Variants in PPIL2 observed in about 807,000 individuals in gnomAD.
The protein encoded by PPIL2 is RING-type E3 ubiquitin-protein ligase PPIL2.
A neutral mutation model predicts 75.2 loss-of-function variants in PPIL2; 50 were observed. The observed-to-expected ratio is 0.66, with a 90% CI of 0.53 to 0.84. The LOEUF (loss-of-function observed/expected upper bound fraction) is 0.84, where lower values mean the gene tolerates loss of function less well. Among genes scored for constraint, PPIL2 ranks in the 40% least tolerant of loss-of-function variants. PPIL2 has a pLI of 0.00. For synonymous variants in PPIL2, 245 were observed against 258.8 expected (o/e 0.95, Z 0.51); for missense variants, 590 against 685.0 (o/e 0.86, Z 1.55).
intron 6 of PPIL2, among the ~76,000 whole-genome samples, chr22:21,675,381 C>G (rs534252275): frequency 6.6e-6 from 1 of 152,012 alleles, no homozygotes; most frequent in South Asian, 2.1e-4. Context: ...ACTAAAAATA[C>G]AAAAATTAGC....
At position 21,688,850 on chromosome 22, in the gene PPIL2, G is replaced by T. The variant is rs1200544147; in HGVS notation, c.1139+1G>T. On this transcript the variant is annotated splice_donor_variant, in intron 15 of 19. Transcript: ENST00000398831. LOFTEE classifies it high-confidence loss of function. ...GGCCCAACAGCAACAGGTCTCAATT[G>T]TGAGTCAGCTGGGCTTGCTGGGGTG... The T allele has an allele frequency of 6.2e-7, 1 of 1,613,752 alleles. No individual in the cohort carries two copies. Among genetic ancestry groups the T allele is most frequent in the East Asian group, 2.2e-5 (1 of 44,882 alleles).
intron 6 of PPIL2, among the ~76,000 whole-genome samples, chr22:21,677,405 A>C (rs529660177): frequency 5.3e-4 from 81 of 152,356 alleles, no homozygotes; most frequent in Admixed American, 1.4e-3. Flanking sequence ...AGCCTGGGCA[A>C]CATTGAGCAC....
At chr22:21,693,756 T>C in intron 15 of PPIL2, 60 bp from the exon 16 acceptor site, 1 of 1,492,954 alleles carries the variant, frequency 6.7e-7, no homozygotes, top group Non-Finnish European at 9.3e-7. Flanking sequence ...GGTGTGCTCT[T>C]AGGCAGGCCA....
intron 5 of PPIL2, among the ~76,000 whole-genome samples, chr22:21,674,284 T>G (rs944679630): frequency 2.0e-5 from 3 of 152,130 alleles, no homozygotes; most frequent in Non-Finnish European, 4.4e-5. Flanking sequence ...AGACTTTGTT[T>G]TATGGGAAAG....
At chr22:21,687,053 G>C in intron 12 of PPIL2, 55 bp downstream of exon 12, 2 of 1,493,546 alleles carry the variant, frequency 1.3e-6, no homozygotes. Flanking sequence ...TGGGTCATCT[G>C]ACAGCCATGT....
At chr22:21,694,312 C>T (rs1051710092) in intron 16 of PPIL2, among the ~76,000 whole-genome samples, 1 of 151,868 alleles carries the variant, frequency 6.6e-6, no homozygotes, top group Non-Finnish European at 1.5e-5. Context: ...ACCAAACCAG[C>T]GGGGAGAGCA....
chr22:21,677,124 C>A (rs2066902608), intron 6 of PPIL2, among the ~76,000 whole-genome samples: 1 of 152,016 alleles, frequency 6.6e-6, no homozygotes, highest in Non-Finnish European at 1.5e-5. Context: ...GGGCTCCTCG[C>A]TTCTCAGACG....
chr22:21,675,897 A>G (rs1006343861), intron 6 of PPIL2, among the ~76,000 whole-genome samples: 1 of 152,080 alleles, frequency 6.6e-6, no homozygotes, highest in African/African-American at 2.4e-5. Context: ...CCCATTACAC[A>G]CCTTCCGCTG....
chr22:21,669,499 TTTTG>T (rs926537998), intron 1 of PPIL2: 25 of 358,550 alleles, frequency 7.0e-5, no homozygotes, highest in African/African-American at 3.4e-4. Flanking sequence ...GTAGGTGTTT[TTTTG>T]TTTGTTTGTT....
At chr22:21,674,037 C>T (rs553526647) in intron 5 of PPIL2, among the ~76,000 whole-genome samples, 4 of 152,296 alleles carry the variant, frequency 2.6e-5, no homozygotes, top group South Asian at 4.1e-4. Flanking sequence ...GCAGGGCCCA[C>T]GGAGGGCGGG....
chr22:21,697,788 T>G lies in PPIL2; in HGVS notation c.*2298T>G, dbSNP rs2067996609. On this transcript the variant is annotated 3_prime_UTR_variant, in exon 20 of 20. Coordinates refer to ENST00000398831, the MANE Select transcript of PPIL2 (RefSeq NM_014337.4). ...ACCAAGGACCTTTGGCAAATGAAGG[T>G]TTACATTTCTGTAGTTTGTTTGTTT... 6.6e-6 allele frequency: 1 copy of G among 152,346 alleles called. No individual in the cohort carries two copies. Among genetic ancestry groups the G allele is most frequent in the African/African-American group, 2.4e-5 (1 of 41,444 alleles). 9.4% of individuals were successfully genotyped at this position (152,346 alleles called of 1,614,324 possible).
rs2066612691 is a variant in PPIL2, at chr22:21,671,048, C to A, written c.180C>A (p.Val60=). The A allele has an allele frequency of 1.2e-6, 2 of 1,611,194 alleles. No homozygotes were observed. Among genetic ancestry groups the A allele is most frequent in the East Asian group, 4.5e-5 (2 of 44,866 alleles). The change falls in exon 4 of 20, where the codon GTC becomes GTA. Residue 60 remains valine, a synonymous_variant. Coordinates refer to ENST00000398831, the MANE Select transcript of PPIL2 (RefSeq NM_014337.4). ...VYPVCTPDGI[V]FDLLNIVPWL... Reference sequence around the variant, plus strand: ...CAGTCTGCACTCCCGATGGCATCGTCTTTGACTTACTGTGAGTTTTTCCTT... The same window carrying A: ...CAGTCTGCACTCCCGATGGCATCGTATTTGACTTACTGTGAGTTTTTCCTT...
rs761350212 is a variant in PPIL2 at position 21,686,997 on chromosome 22, T to C, written c.896T>C (p.Leu299Pro). The change falls in exon 12 of 20, where the codon CTG becomes CCG. Residue 299 changes from leucine to proline, a missense_variant and splice_region_variant. Leu to Pro is a moderately conservative substitution (Grantham distance 98, BLOSUM62 -3). Coordinates refer to ENST00000398831, the MANE Select transcript of PPIL2 (RefSeq NM_014337.4). ...GDLNLELHCD[L>P]TPKTCENFIR... ...CTCAACCTGGAGCTGCACTGCGACC[T>C]GGTGGGTGTGGAGGCCAGCCACTCC... 5 of 1,613,092 alleles carry C rather than the reference T, an allele frequency of 3.1e-6. No individual in the cohort carries two copies. The highest frequency in any genetic ancestry group is 2.7e-5 in the African/African-American group (2 of 74,864).
chr22:21,684,780 CTTA>C lies in PPIL2; in HGVS notation c.586_588del (p.Tyr196del). 6.2e-7 allele frequency: 1 copy of C among 1,614,102 alleles called. No individual in the cohort carries two copies. Among genetic ancestry groups the C allele is most frequent in the Non-Finnish European group, 8.5e-7 (1 of 1,180,012 alleles). Reference sequence around the variant, plus strand: ...GAAGAGAAGGCCAAACAGGACCCGTCTTATTATCTGAAAAATACAAATGCCGAG... The same window carrying C: ...GAAGAGAAGGCCAAACAGGACCCGTCTTATCTGAAAAATACAAATGCCGAG... On this transcript the variant is annotated inframe_deletion, in exon 10 of 20. Coordinates refer to ENST00000398831, the MANE Select transcript of PPIL2 (RefSeq NM_014337.4).
chr22:21,692,661 C>T lies in PPIL2; in HGVS notation c.1140-1155C>T, dbSNP rs192980958. Among the ~76,000 whole-genome samples the T allele has an allele frequency of 5.9e-5, 9 of 151,626 alleles. No homozygotes were observed. In the East Asian group the frequency reaches 1.8e-3, roughly 30 times the overall value. On this transcript the variant is annotated intron_variant, in intron 15 of 19. Transcript: ENST00000398831. ...CCAAAGTTGGCCAGGTGCAGTGGCT[C>T]ACGCCTGTAATCCCAGCACTTTGGG...
chr22:21,686,178 TA>T, intron 10 of PPIL2, among the ~76,000 whole-genome samples: 1 of 152,206 alleles, frequency 6.6e-6, no homozygotes, highest in Admixed American at 6.5e-5. Context: ...AAAATTAAAA[TA>T]AAAATAAATG....
chr22:21,677,918 C>T (rs7286619), intron 6 of PPIL2, among the ~76,000 whole-genome samples: 45,970 of 152,054 alleles, frequency 0.3, 7,218 homozygotes, highest in Non-Finnish European at 0.35. Flanking sequence ...GAGGGAGAGC[C>T]GTGTGGGCAT....
chr22:21,697,410 G>C lies in PPIL2; in HGVS notation c.*1920G>C, dbSNP rs1046610053. 1 of 196,318 alleles carries C rather than the reference G, an allele frequency of 5.1e-6. No homozygotes were observed. The highest frequency in any genetic ancestry group is 5.3e-5 in the Admixed American group (1 of 18,828). The allele number at this position is 196,318 out of a possible 1,614,324, so 12.2% of individuals were successfully genotyped here. On this transcript the variant is annotated 3_prime_UTR_variant, in exon 20 of 20. Coordinates refer to ENST00000398831, the MANE Select transcript of PPIL2 (RefSeq NM_014337.4). The stretch of plus-strand genomic sequence containing the variant: ...CCCCATTGGTGGGGGCAGAGAAGTA[G>C]GACCAGGCCATCCTTGGCTCCAGAG...
intron 7 of PPIL2, 102 bp from the exon 8 acceptor site, chr22:21,682,334 CA>C: frequency 2.1e-6 from 2 of 959,062 alleles, no homozygotes; most frequent in South Asian, 2.8e-5. Flanking sequence ...TCATGCCTCT[CA>C]AATCGTGCCA....
Sources: allele counts gnomAD v4.1 joint callset (sites outside exome capture counted in the v4.1 genomes callset), GRCh38; gene constraint gnomAD v4.1.1; transcripts MANE v1.5; gene names NCBI Gene and HGNC (gene_info 2026-07-23, HGNC 2026-07-21).